Variants in ANO3 observed in about 807,000 individuals in gnomAD.
ANO3 encodes the protein anoctamin 3, also known as anoctamin-3.
ANO3 carries 99 observed loss-of-function variants against 144.8 expected under a neutral mutation model. The ratio of observed to expected loss-of-function variants is 0.68; its 90% confidence interval spans 0.58 to 0.81. The LOEUF (loss-of-function observed/expected upper bound fraction) is 0.81. ANO3 is among the 30% of genes least tolerant of loss of function. ANO3 has a pLI of 0.00. For missense variants in ANO3, 905 were observed against 1,202.2 expected (o/e 0.75, Z 3.66); for synonymous variants, 414 against 392.6 (o/e 1.05, Z -0.64).
intron 1 of ANO3, among the ~76,000 whole-genome samples, chr11:26,429,862 G>C (rs1054808171): frequency 6.6e-6 from 1 of 152,048 alleles, no homozygotes. Flanking sequence ...AGAATTATAG[G>C]AAATGCAAAG....
At chr11:26,460,696 T>C (rs575861637) in intron 3 of ANO3, among the ~76,000 whole-genome samples, 1 of 102,262 alleles carries the variant, frequency 9.8e-6, no homozygotes, top group African/African-American at 3.0e-5. Flanking sequence ...GTTATAGGAA[T>C]TAAAGAAAAA....
In ANO3 at chr11:26,442,120, G is replaced by A; in HGVS notation, c.241+8G>A. Reference sequence around the variant, plus strand: ...CTGACAAAGCAGAGCAAGGTGAGCAGCAATTCCTATTTTCTTGTTCAATTT... The same window carrying A: ...CTGACAAAGCAGAGCAAGGTGAGCAACAATTCCTATTTTCTTGTTCAATTT... On this transcript the variant is annotated splice_region_variant and intron_variant, in intron 2 of 26. Transcript: ENST00000256737. 2 of 1,604,502 alleles carry A rather than the reference G, an allele frequency of 1.2e-6. No individual in the cohort carries two copies. Among genetic ancestry groups the A allele is most frequent in the Non-Finnish European group, 1.7e-6 (2 of 1,177,188 alleles).
chr11:26,367,423 A>C lies in ANO3; in HGVS notation c.46+35102A>C, dbSNP rs1856123987. On this transcript the variant is annotated intron_variant, in intron 1 of 26. Transcript: ENST00000256737. ...TTTCCATCTGAGACCTCCTCAACCCAGCCTTCACTGTCCATATTACTGTCA... is the reference window on the plus strand; with the variant it reads ...TTTCCATCTGAGACCTCCTCAACCCCGCCTTCACTGTCCATATTACTGTCA... Among the ~76,000 whole-genome samples, 3 of 152,260 alleles carry C rather than the reference A, an allele frequency of 2.0e-5. No homozygotes were observed. In the South Asian group the frequency reaches 6.2e-4, roughly 32 times the overall value.
intron 1 of ANO3, among the ~76,000 whole-genome samples, chr11:26,378,520 T>A (rs1856481230): frequency 6.6e-6 from 1 of 151,388 alleles, no homozygotes; most frequent in African/African-American, 2.4e-5. Context: ...GGAAACACAC[T>A]TTTAAAAATT....
chr11:26,365,220 G>T (rs1856034694), intron 1 of ANO3, among the ~76,000 whole-genome samples: 1 of 152,160 alleles, frequency 6.6e-6, no homozygotes. Context: ...GCAGGGGCTG[G>T]GCCCACAAGA....
chr11:26,581,027 A>G (rs1219461589), intron 14 of ANO3, among the ~76,000 whole-genome samples: 2 of 152,298 alleles, frequency 1.3e-5, no homozygotes, highest in East Asian at 3.9e-4. Flanking sequence ...CTTCCTAGAA[A>G]GAAGTTACAG....
chr11:26,234,695 TAGAAGG>T (rs1278516958), intron 1 of ANO3, among the ~76,000 whole-genome samples: 1 of 152,166 alleles, frequency 6.6e-6, no homozygotes, highest in Non-Finnish European at 1.5e-5. Context: ...CCCTATGTCT[TAGAAGG>T]TATTGAAGTA....
chr11:26,593,502 C>G (rs374192133), intron 14 of ANO3, among the ~76,000 whole-genome samples: 2 of 152,122 alleles, frequency 1.3e-5, no homozygotes, highest in African/African-American at 4.8e-5. Context: ...GTCCTGGGGA[C>G]AGTTAAACTC....
chr11:26,462,611 G>A (rs770573267), intron 3 of ANO3, among the ~76,000 whole-genome samples: 4 of 151,652 alleles, frequency 2.6e-5, no homozygotes, highest in Non-Finnish European at 4.4e-5. Flanking sequence ...AATTTTTCCA[G>A]CTTTTAAGAA....
At chr11:26,264,847 T>C (rs1296923729) in intron 1 of ANO3, among the ~76,000 whole-genome samples, 1 of 152,024 alleles carries the variant, frequency 6.6e-6, no homozygotes, top group Admixed American at 6.6e-5. Flanking sequence ...CTTTATTCCA[T>C]GTAATTATAT....
At chr11:26,230,132 A>G (rs1233885038) in intron 1 of ANO3, among the ~76,000 whole-genome samples, 1 of 152,196 alleles carries the variant, frequency 6.6e-6, no homozygotes, top group Non-Finnish European at 1.5e-5. Flanking sequence ...AGACACATAT[A>G]TTATAATGAG....
At chr11:26,238,671 T>C (rs1483578977) in intron 1 of ANO3, among the ~76,000 whole-genome samples, 1 of 152,036 alleles carries the variant, frequency 6.6e-6, no homozygotes, top group African/African-American at 2.4e-5. Flanking sequence ...AGGAAATTAA[T>C]AAATAATAAA....
chr11:26,531,363 C>T lies in ANO3; in HGVS notation c.869+27C>T, dbSNP rs376573086. 1.4e-5 allele frequency: 22 copies of T among 1,588,944 alleles called. No homozygotes were observed. In the African/African-American group the frequency reaches 2.5e-4, roughly 18 times the overall value. On this transcript the variant is annotated intron_variant, in intron 8 of 26. Transcript: ENST00000256737. Reference sequence around the variant, plus strand: ...TGAGTTCCCCTCTTTTTTCATACTGCCTACCTTTATATCTTGGTGGGGCTT... The same window carrying T: ...TGAGTTCCCCTCTTTTTTCATACTGTCTACCTTTATATCTTGGTGGGGCTT...
At chr11:26,261,656 G>A (rs753248012) in intron 1 of ANO3, among the ~76,000 whole-genome samples, 8 of 152,078 alleles carry the variant, frequency 5.3e-5, no homozygotes, top group Non-Finnish European at 8.8e-5. Flanking sequence ...CAGTCACTAG[G>A]GCACACCAAG....
chr11:26,262,352 T>C (rs572144567), intron 1 of ANO3, among the ~76,000 whole-genome samples: 1 of 152,246 alleles, frequency 6.6e-6, no homozygotes, highest in South Asian at 2.1e-4. Flanking sequence ...AGTGGCACAT[T>C]TTAATTTTTT....
At position 26,656,381 on chromosome 11, in the gene ANO3, G is replaced by A. The variant is rs1414040866; in HGVS notation, c.2663G>A (p.Arg888Lys). ...TTTGTTTTTGTGGATTTCAGGTACAGAGACTACAGAGGCCCGCCCTGGAGT... is the reference window on the plus strand; with the variant it reads ...TTTGTTTTTGTGGATTTCAGGTACAAAGACTACAGAGGCCCGCCCTGGAGT... ...GMGKSGYCRY[R>K]DYRGPPWSSK... is the part of the protein sequence containing the mutation. Residue 888 changes from arginine to lysine, a missense_variant, in exon 26 of 27, where the codon AGA becomes AAA. Coordinates refer to ENST00000256737, the MANE Select transcript of ANO3 (RefSeq NM_031418.4). 1.3e-6 allele frequency: 2 copies of A among 1,594,430 alleles called. No homozygotes were observed. Among genetic ancestry groups the A allele is most frequent in the Admixed American group, 1.7e-5 (1 of 59,864 alleles).
intron 4 of ANO3, among the ~76,000 whole-genome samples, chr11:26,498,290 T>C (rs1194006363): frequency 6.6e-6 from 1 of 151,946 alleles, no homozygotes; most frequent in East Asian, 1.9e-4. Flanking sequence ...ATAATAACTA[T>C]AGGGTGTATA....
At chr11:26,432,807 T>C (rs1858163149) in intron 1 of ANO3, among the ~76,000 whole-genome samples, 1 of 152,218 alleles carries the variant, frequency 6.6e-6, no homozygotes, top group South Asian at 2.1e-4. Context: ...ACTGTAGTCC[T>C]GTAGTATAGT....
At chr11:26,483,343 C>T (rs1272137829) in intron 4 of ANO3, among the ~76,000 whole-genome samples, 3 of 151,868 alleles carry the variant, frequency 2.0e-5, no homozygotes, top group African/African-American at 4.8e-5. Context: ...ATTTGTGTTC[C>T]CACCCAAATC....
Sources: allele counts gnomAD v4.1 joint callset (sites outside exome capture counted in the v4.1 genomes callset), GRCh38; gene constraint gnomAD v4.1.1; transcripts MANE v1.5; gene names NCBI Gene and HGNC (gene_info 2026-07-23, HGNC 2026-07-21).